The following C1orf21 variants were observed in gnomAD, a reference collection of about 807,000 sequenced individuals.
C1orf21 encodes uncharacterized protein C1orf21.
C1orf21 carries 3 observed loss-of-function variants against 18.7 expected under a neutral mutation model. The ratio of observed to expected loss-of-function variants is 0.16; its 90% confidence interval spans 0.07 to 0.42. The LOEUF (loss-of-function observed/expected upper bound fraction) is 0.42, where lower values mean the gene tolerates loss of function less well. C1orf21 is among the 10% of genes least tolerant of loss of function. The pLI, the probability that C1orf21 is intolerant of heterozygous loss-of-function variation, is 0.99. For missense variants in C1orf21, 104 were observed against 143.6 expected (o/e 0.72, Z 1.41); for synonymous variants, 41 against 46.4 (o/e 0.88, Z 0.47).
At chr1:184,522,646 CTAT>C (rs1413019712) in intron 3 of C1orf21, among the ~76,000 whole-genome samples, 1 of 152,070 alleles carries the variant, frequency 6.6e-6, no homozygotes, top group African/African-American at 2.4e-5. Flanking sequence ...TTAGATTACA[CTAT>C]TAATCTAGTG....
In C1orf21 at chr1:184,590,090, A is replaced by G. The variant is rs1361042216; in HGVS notation, c.190-649A>G. On this transcript the variant is annotated intron_variant, in intron 3 of 5. Coordinates refer to ENST00000235307, the MANE Select transcript of C1orf21 (RefSeq NM_030806.4). The stretch of plus-strand genomic sequence containing the variant: ...ACGTTGAAAAATGCAGAGCAGTAGT[A>G]TTATTGAGATCATGTCCTTACTGAT... Among the ~76,000 whole-genome samples, 4 of 152,212 alleles carry G rather than the reference A, an allele frequency of 2.6e-5. No individual in the cohort carries two copies. In the East Asian group the frequency reaches 5.8e-4, roughly 22 times the overall value.
intron 3 of C1orf21, chr1:184,542,719 C>T (rs866835853): frequency 4.6e-5 from 7 of 152,152 alleles, no homozygotes; most frequent in South Asian, 2.1e-4. Flanking sequence ...TTATGGAGCA[C>T]ACGCTATGTG....
At chr1:184,546,886 C>T (rs1293760033) in intron 3 of C1orf21, among the ~76,000 whole-genome samples, 1 of 152,162 alleles carries the variant, frequency 6.6e-6, no homozygotes, top group Non-Finnish European at 1.5e-5. Context: ...AGGGCAGCCT[C>T]GCCATCCCCA....
chr1:184,450,851 C>T (rs1657110192), intron 1 of C1orf21, among the ~76,000 whole-genome samples: 1 of 152,102 alleles, frequency 6.6e-6, no homozygotes, highest in African/African-American at 2.4e-5. Flanking sequence ...AATTCACCAA[C>T]AGTATAAAAA....
intron 1 of C1orf21, among the ~76,000 whole-genome samples, chr1:184,431,406 G>T (rs916324575): frequency 6.6e-6 from 1 of 152,112 alleles, no homozygotes; most frequent in African/African-American, 2.4e-5. Context: ...TGGGAAATCT[G>T]GCTAGCCATA....
intron 3 of C1orf21, among the ~76,000 whole-genome samples, chr1:184,556,276 G>C (rs1658878005): frequency 6.6e-6 from 1 of 152,192 alleles, no homozygotes; most frequent in South Asian, 2.1e-4. Flanking sequence ...AACCTGCAGT[G>C]CCTGCTGACA....
intron 2 of C1orf21, among the ~76,000 whole-genome samples, chr1:184,489,560 C>T (rs1657786470): frequency 1.3e-5 from 2 of 152,132 alleles, no homozygotes; most frequent in African/African-American, 2.4e-5. Flanking sequence ...CCAGGAGACC[C>T]AGTGCTAGGA....
chr1:184,619,594 G>A lies in C1orf21; in HGVS notation c.*38G>A. On this transcript the variant is annotated 3_prime_UTR_variant, in exon 6 of 6. Coordinates refer to ENST00000235307, the MANE Select transcript of C1orf21 (RefSeq NM_030806.4). The stretch of plus-strand genomic sequence containing the variant: ...CACTCAAACCAGGAGCTACTACTGT[G>A]TAAATAGGTTACACCCCAGTTGAAA... 6.3e-7 allele frequency: 1 copy of A among 1,598,240 alleles called. No homozygotes were observed. Among genetic ancestry groups the A allele is most frequent in the Non-Finnish European group, 8.6e-7 (1 of 1,168,902 alleles).
At chr1:184,484,303 T>C (rs990043541) in intron 2 of C1orf21, among the ~76,000 whole-genome samples, 1 of 152,148 alleles carries the variant, frequency 6.6e-6, no homozygotes, top group Non-Finnish European at 1.5e-5. Context: ...TTCGCTGCTC[T>C]AGGCCCTCCA....
At chr1:184,423,196 A>G (rs749234632) in intron 1 of C1orf21, among the ~76,000 whole-genome samples, 5 of 152,130 alleles carry the variant, frequency 3.3e-5, no homozygotes, top group African/African-American at 4.8e-5. Flanking sequence ...AAAGTCAGGT[A>G]CTCTGCTACT....
chr1:184,519,615 A>G (rs1351793201), intron 3 of C1orf21, among the ~76,000 whole-genome samples: 1 of 152,196 alleles, frequency 6.6e-6, no homozygotes, highest in East Asian at 1.9e-4. Flanking sequence ...ACAATAACAC[A>G]GTGGTGTTAC....
intron 1 of C1orf21, among the ~76,000 whole-genome samples, chr1:184,406,432 T>C (rs73061691): frequency 0.11 from 16,686 of 152,164 alleles, 2,798 homozygotes; most frequent in African/African-American, 0.36. Context: ...ATAAGTGTTG[T>C]TTTTTGGAAA....
chr1:184,587,309 T>A, intron 3 of C1orf21, among the ~76,000 whole-genome samples: 1 of 151,744 alleles, frequency 6.6e-6, no homozygotes, highest in Non-Finnish European at 1.5e-5. Flanking sequence ...TAAAATAGTT[T>A]TATTCTAGTT....
intron 3 of C1orf21, among the ~76,000 whole-genome samples, chr1:184,555,552 C>T (rs28541791): frequency 2.5e-5 from 1 of 39,722 alleles, no homozygotes; most frequent in African/African-American, 1.2e-4. Context: ...CATACATACA[C>T]ACACACACAC....
At chr1:184,500,771 A>G (rs577808648) in intron 2 of C1orf21, among the ~76,000 whole-genome samples, 1 of 152,270 alleles carries the variant, frequency 6.6e-6, no homozygotes, top group South Asian at 2.1e-4. Context: ...TTTTTCCCCT[A>G]GGATAAGTCA....
intron 5 of C1orf21, among the ~76,000 whole-genome samples, chr1:184,602,878 T>G (rs1659603383): frequency 6.6e-6 from 1 of 152,248 alleles, no homozygotes; most frequent in Non-Finnish European, 1.5e-5. Context: ...CAGGGAGTCC[T>G]TGGCTTCCTC....
At chr1:184,528,730 T>C (rs1336590767) in intron 3 of C1orf21, among the ~76,000 whole-genome samples, 3 of 152,174 alleles carry the variant, frequency 2.0e-5, no homozygotes, top group African/African-American at 7.2e-5. Context: ...TCATTTTCTA[T>C]TTTCCTTTAT....
At chr1:184,388,462 TGTTGTCC>T (rs1301306009) in intron 1 of C1orf21, among the ~76,000 whole-genome samples, 1 of 152,148 alleles carries the variant, frequency 6.6e-6, no homozygotes, top group Non-Finnish European at 1.5e-5. Context: ...ATAGTGCTTG[TGTTGTCC>T]GTGGCTGGAA....
chr1:184,526,487 A>G (rs950160621), intron 3 of C1orf21, among the ~76,000 whole-genome samples: 44 of 152,332 alleles, frequency 2.9e-4, no homozygotes, highest in African/African-American at 1.0e-3. Flanking sequence ...TAGCTTGGGT[A>G]GAACTTGGCA....
Sources: allele counts gnomAD v4.1 joint callset (sites outside exome capture counted in the v4.1 genomes callset), GRCh38; gene constraint gnomAD v4.1.1; transcripts MANE v1.5; gene names NCBI Gene and HGNC (gene_info 2026-07-23, HGNC 2026-07-21).